The following CDKN2B-AS1 variants were observed in gnomAD, a reference collection of about 807,000 sequenced individuals.
CDKN2B-AS1 encodes CDKN2B antisense RNA 1 (non-protein coding).
At chr9:21,998,251 A>G (rs1381508291) in intron 1 of CDKN2B-AS1, among the ~76,000 whole-genome samples, 1 of 152,210 alleles carries the variant, frequency 6.6e-6, no homozygotes, top group Non-Finnish European at 1.5e-5. Context: ...TATTCCAAAT[A>G]CTTTTGGAAT....
rs1254681093 is a variant in CDKN2B-AS1 at position 21,995,843 on chromosome 9, A to T, written n.29+682A>T. The T allele has an allele frequency of 6.6e-6, 1 of 152,206 alleles. No individual in the cohort carries two copies. The highest frequency in any genetic ancestry group is 1.5e-5 in the Non-Finnish European group (1 of 68,064). 9.4% of individuals were successfully genotyped at this position (152,206 alleles called of 1,614,324 possible). On this transcript the variant is annotated intron_variant and non_coding_transcript_variant, in intron 1 of 4. Coordinates refer to ENST00000650946, the Ensembl canonical transcript of CDKN2B-AS1. The surrounding 1 kb of genome is among the most constrained non-coding windows in gnomAD (Gnocchi z 5.7). ...ACGCCGCCTTCAGGCCGGCGCGCTG[A>T]CCCGGTGCCCCGACCCGGAGCCTGC...
At position 22,062,972 on chromosome 9, in the gene CDKN2B-AS1, G is replaced by GACACACACACAC. The variant is rs1338866723; in HGVS notation, n.438+6588_438+6589insCACACACACACA. 8.4e-5 allele frequency among the ~76,000 whole-genome samples: 4 copies of GACACACACACAC among 47,580 alleles called. No individual in the cohort carries two copies. The African/African-American group carries it at 1.1e-3, about 13-fold the overall frequency. The allele number at this position is 47,580 out of a possible 152,430, so 31.2% of individuals were successfully genotyped here. A position where few individuals can be genotyped will look rare whatever the true frequency, so the allele number is the denominator to read the frequency against. Reference sequence around the variant, plus strand: ...AAGTGACTTGTGTGTGTGTGTGAAAGACAGACACACACACATATATATATA... The same window carrying GACACACACACAC: ...AAGTGACTTGTGTGTGTGTGTGAAAGACACACACACACACAGACACACACACATATATATATA... On this transcript the variant is annotated intron_variant and non_coding_transcript_variant, in intron 4 of 4. Coordinates refer to ENST00000650946, the Ensembl canonical transcript of CDKN2B-AS1.
chr9:22,054,275 C>CCAG (rs1352941215), intron 3 of CDKN2B-AS1, among the ~76,000 whole-genome samples: 1 of 152,206 alleles, frequency 6.6e-6, no homozygotes, highest in Non-Finnish European at 1.5e-5. Context: ...TGAATCTCTG[C>CCAG]AGTTTGACGC....
At chr9:22,109,789 G>A (rs72654213) in intron 4 of CDKN2B-AS1, among the ~76,000 whole-genome samples, 78 of 152,124 alleles carry the variant, frequency 5.1e-4, no homozygotes, top group East Asian at 1.9e-3. Flanking sequence ...TTATTGTGGG[G>A]AACCTAAAGT....
chr9:22,109,415 A>T (rs1306937048), intron 4 of CDKN2B-AS1, among the ~76,000 whole-genome samples: 4 of 152,196 alleles, frequency 2.6e-5, no homozygotes, highest in Non-Finnish European at 5.9e-5. Context: ...GATAGAGTAA[A>T]TAGAGTTTGT....
chr9:22,078,006 A>G (rs1824561500), intron 4 of CDKN2B-AS1: 1 of 152,108 alleles, frequency 6.6e-6, no homozygotes, highest in Non-Finnish European at 1.5e-5. Context: ...GTTTTTTTTC[A>G]CCAAATATTT....
At chr9:22,030,334 C>T (rs1458235135) in intron 1 of CDKN2B-AS1, 1 of 152,178 alleles carries the variant, frequency 6.6e-6, no homozygotes, top group Admixed American at 6.5e-5. Context: ...TGAACTTCAT[C>T]TTTTCTGTGT....
chr9:22,056,937 C>G (rs1257832746), intron 4 of CDKN2B-AS1, among the ~76,000 whole-genome samples: 1 of 152,148 alleles, frequency 6.6e-6, no homozygotes, highest in Non-Finnish European at 1.5e-5. Context: ...TCTTCCCCAT[C>G]TTAATTAATG....
At chr9:22,058,368 T>A (rs1440890986) in intron 4 of CDKN2B-AS1, 2 of 152,216 alleles carry the variant, frequency 1.3e-5, no homozygotes, top group African/African-American at 4.8e-5. Flanking sequence ...GTCTCTCCAA[T>A]GAACGCCTTC....
intron 4 of CDKN2B-AS1, among the ~76,000 whole-genome samples, chr9:22,060,110 G>A (rs1169483642): frequency 6.6e-6 from 1 of 152,158 alleles, no homozygotes; most frequent in Non-Finnish European, 1.5e-5. Flanking sequence ...ATTAACATTA[G>A]GCCCCATGCT....
chr9:22,062,385 C>T (rs1823856595), intron 4 of CDKN2B-AS1, among the ~76,000 whole-genome samples: 1 of 152,212 alleles, frequency 6.6e-6, no homozygotes, highest in South Asian at 2.1e-4. Context: ...ACTAATACCT[C>T]ATTTCTGGGC....
At chr9:22,009,908 A>T (rs1167155283) in intron 1 of CDKN2B-AS1, among the ~76,000 whole-genome samples, 1 of 152,080 alleles carries the variant, frequency 6.6e-6, no homozygotes. Context: ...AATTCTTTCC[A>T]TTTTTGCATT....
At chr9:22,075,134 C>T (rs149523215) in intron 4 of CDKN2B-AS1, among the ~76,000 whole-genome samples, 2 of 152,266 alleles carry the variant, frequency 1.3e-5, no homozygotes, top group African/African-American at 4.8e-5. Flanking sequence ...TCTGGGGAAA[C>T]TCAGGCATGA....
chr9:22,024,219 C>G (rs565369277), intron 1 of CDKN2B-AS1, among the ~76,000 whole-genome samples: 66 of 152,300 alleles, frequency 4.3e-4, no homozygotes, highest in African/African-American at 1.5e-3. Context: ...CATCGTTCAC[C>G]TCCCAACTCC....
At chr9:22,007,367 T>A (rs1406437442) in intron 1 of CDKN2B-AS1, among the ~76,000 whole-genome samples, 3 of 146,652 alleles carry the variant, frequency 2.0e-5, no homozygotes, top group Non-Finnish European at 4.5e-5. Flanking sequence ...TCAAAAAAAA[T>A]AAAATAAATA....
intron 4 of CDKN2B-AS1, among the ~76,000 whole-genome samples, chr9:22,108,694 G>A (rs1412633911): frequency 1.3e-5 from 2 of 152,220 alleles, no homozygotes; most frequent in African/African-American, 4.8e-5. Flanking sequence ...AATTTAAAAA[G>A]TCTCCCAAAT....
intron 1 of CDKN2B-AS1, among the ~76,000 whole-genome samples, chr9:22,014,213 A>G (rs1395742401): frequency 2.6e-5 from 4 of 152,034 alleles, no homozygotes; most frequent in African/African-American, 9.7e-5. Flanking sequence ...CCCAGGCTGG[A>G]GTGCAGTGGT....
At chr9:22,046,085 A>G (rs1823096792) in intron 1 of CDKN2B-AS1, among the ~76,000 whole-genome samples, 1 of 152,082 alleles carries the variant, frequency 6.6e-6, no homozygotes, top group African/African-American at 2.4e-5. Flanking sequence ...TTTCCTCCAA[A>G]TAAATTTCTC....
intron 2 of CDKN2B-AS1, among the ~76,000 whole-genome samples, chr9:22,048,821 G>C (rs1249707488): frequency 1.3e-5 from 2 of 152,060 alleles, no homozygotes; most frequent in Non-Finnish European, 2.9e-5. Flanking sequence ...TTGTCATGTT[G>C]GTGGCTGTTT....
Sources: gnomAD v4.1 joint callset for allele counts (sites outside exome capture counted in the v4.1 genomes callset) on GRCh38, gnomAD v4.1.1 for gene constraint, Gnocchi (gnomAD v3.1) non-coding constraint, MANE v1.5 for transcripts, NCBI Gene and HGNC (gene_info 2026-07-23, HGNC 2026-07-21) for gene names.